ZC3H4: variants seen among roughly 807,000 people sequenced by gnomAD.
ZC3H4 encodes the protein zinc finger CCCH domain-containing protein 4.
Under a neutral mutation model 108.3 loss-of-function variants are expected in ZC3H4, and 13 were observed. That is an observed-to-expected ratio of 0.12 (90% CI 0.08 to 0.19). The LOEUF (loss-of-function observed/expected upper bound fraction) is 0.19, where lower values mean the gene tolerates loss of function less well. Ranked by LOEUF, ZC3H4 falls within the 10% of genes least tolerant of loss-of-function variation. The pLI is 1.00. For synonymous variants in ZC3H4, 917 were observed against 749.6 expected, an observed-to-expected ratio of 1.22 and a Z score of -3.65; for missense variants, 1,734 against 1,838.8, an observed-to-expected ratio of 0.94 and a Z score of 1.04.
At chr19:47,111,998 G>A (rs2058045444) in intron 2 of ZC3H4, 1 of 441,938 alleles carries the variant, frequency 2.3e-6, no homozygotes, top group Non-Finnish European at 3.0e-6. Flanking sequence ...CCCCTTCCCC[G>A]AAGCCAGGCG....
intron 5 of ZC3H4, among the ~76,000 whole-genome samples, chr19:47,089,764 C>T (rs1348355611): frequency 1.3e-5 from 2 of 152,224 alleles, no homozygotes; most frequent in Non-Finnish European, 2.9e-5. Context: ...CCCTGCCTCA[C>T]ACCAGCCTGG....
chr19:47,066,628 T>C lies in ZC3H4; in HGVS notation c.3640A>G (p.Arg1214Gly), dbSNP rs1219515178. The change falls in exon 15 of 15, where the codon AGA becomes GGA. Residue 1214 changes from arginine (R) to glycine (G), a missense_variant. Coordinates refer to ENST00000253048, the MANE Select transcript of ZC3H4 (RefSeq NM_015168.2). ...CGGGGCCGGTTGTAGCTGTTGTATCTGTCCGTGGGGGTGCCCCCATCAGCA... is the reference window on the plus strand; with the variant it reads ...CGGGGCCGGTTGTAGCTGTTGTATCCGTCCGTGGGGGTGCCCCCATCAGCA... ...AGADGGTPTD[R>G]YNSYNRPRPK... 3 of 1,611,368 alleles carry C rather than the reference T, an allele frequency of 1.9e-6. No individual in the cohort carries two copies. Among genetic ancestry groups the C allele is most frequent in the Non-Finnish European group, 2.5e-6 (3 of 1,179,214 alleles).
chr19:47,084,483 G>A (rs2057580901), intron 8 of ZC3H4, 28 bp from the exon 9 acceptor site: 1 of 1,611,262 alleles, frequency 6.2e-7, no homozygotes, highest in Non-Finnish European at 8.5e-7. Context: ...TGGACGTAAA[G>A]GGGAATGAAA....
intron 2 of ZC3H4, among the ~76,000 whole-genome samples, chr19:47,102,321 T>A (rs550066446): frequency 6.6e-6 from 1 of 152,228 alleles, no homozygotes; most frequent in Non-Finnish European, 1.5e-5. Context: ...CTACAAATTA[T>A]GTCAAAAAGA....
intron 4 of ZC3H4, among the ~76,000 whole-genome samples, chr19:47,090,402 A>C (rs1361535308): frequency 6.6e-6 from 1 of 152,154 alleles, no homozygotes; most frequent in Admixed American, 6.5e-5. Context: ...TTCTTCATAA[A>C]GGGCCAGAAC....
chr19:47,066,981 T>G lies in ZC3H4; in HGVS notation c.3287A>C (p.Lys1096Thr). 1 of 1,589,840 alleles carries G rather than the reference T, an allele frequency of 6.3e-7. No individual in the cohort carries two copies. The highest frequency in any genetic ancestry group is 8.6e-7 in the Non-Finnish European group (1 of 1,168,210). Residue 1096 changes from lysine to threonine, a missense_variant, in exon 15 of 15, where the codon AAG (lysine) becomes ACG (threonine). Physicochemically the swap from Lys to Thr is moderately conservative, Grantham distance 78 (BLOSUM62 -1). This residue lies in a region of ZC3H4 where 518 missense variants were observed against 499.6 expected (regional missense o/e 1.04). Coordinates refer to ENST00000253048, the MANE Select transcript of ZC3H4 (RefSeq NM_015168.2). ...AGAGGGCGCCTCAGCAGGGCCGGGC[T>G]TGGCAGCCCGGGAGGAGGCCGTAGA... is the stretch of plus-strand genomic sequence containing the variant. The part of the protein sequence containing the change: ...TDSTASSRAA[K>T]PGPAEAPSPT...
chr19:47,096,885 G>T, intron 2 of ZC3H4: 2 of 985,400 alleles, frequency 2.0e-6, no homozygotes, highest in Non-Finnish European at 2.4e-6. Flanking sequence ...GCCGGAGTGG[G>T]TGGCAGCCTC....
At chr19:47,099,818 GT>G (rs755830986) in intron 2 of ZC3H4, among the ~76,000 whole-genome samples, 2 of 116,586 alleles carry the variant, frequency 1.7e-5, no homozygotes, top group Admixed American at 9.7e-5. Flanking sequence ...GTTTACAAGA[GT>G]TTAAAAAAAA....
intron 4 of ZC3H4, among the ~76,000 whole-genome samples, chr19:47,091,484 G>T (rs2057730041): frequency 6.6e-6 from 1 of 152,032 alleles, no homozygotes; most frequent in Non-Finnish European, 1.5e-5. Context: ...TGAGGTGTGA[G>T]AATCACTTGA....
chr19:47,092,179 T>C (rs1600082306), intron 4 of ZC3H4, among the ~76,000 whole-genome samples: 1 of 152,152 alleles, frequency 6.6e-6, no homozygotes, highest in Admixed American at 6.6e-5. Context: ...CACTCCAGCC[T>C]GGGCAACAGA....
At chr19:47,088,477 G>A (rs1258710398) in intron 5 of ZC3H4, among the ~76,000 whole-genome samples, 6 of 151,874 alleles carry the variant, frequency 4.0e-5, no homozygotes, top group Non-Finnish European at 7.4e-5. Flanking sequence ...GACCTCTGGA[G>A]GCAGAGGTTG....
intron 6 of ZC3H4, among the ~76,000 whole-genome samples, chr19:47,085,992 T>G (rs1342817659): frequency 6.6e-6 from 1 of 152,104 alleles, no homozygotes; most frequent in African/African-American, 2.4e-5. Flanking sequence ...GACTCCTGCA[T>G]GAATAGCTGG....
At position 47,072,414 on chromosome 19, in the gene ZC3H4, G is replaced by T. The variant is rs770144487; in HGVS notation, c.1740C>A (p.Ile580=). Residue 580 remains isoleucine (I), a synonymous_variant, in exon 12 of 15, where the codon ATC becomes ATA. Coordinates refer to ENST00000253048, the MANE Select transcript of ZC3H4 (RefSeq NM_015168.2). This position sits in a 1 kb window ranked among gnomAD's most constrained non-coding sequence, Gnocchi z 5.6. ...LQQQDMYNKK[I]PSLFEIVVRP... is the part of the protein sequence containing the mutation. ...GCACCACGATCTCAAACAAGGAGGG[G>T]ATCTTCTTGTTGTACATGTCCTGCT... is the stretch of plus-strand genomic sequence containing the variant. 12 of 1,612,886 alleles carry T rather than the reference G, an allele frequency of 7.4e-6. 1 individual carries two copies. Among genetic ancestry groups the T allele is most frequent in the Middle Eastern group, 1.7e-4 (1 of 5,968 alleles).
In ZC3H4 at chr19:47,093,979, T is replaced by G. The variant is rs2057779887; in HGVS notation, c.483A>C (p.Pro161=). ...GHRKYREYSP[P]YAPSHQQYPP... is the part of the protein sequence containing the mutation. ...CATGCCAGTCACTCACCGGCGCATA[T>G]GGGGGGCTGTACTCTCTGTACTTGC... The change falls in exon 4 of 15, where the codon CCA becomes CCC. Residue 161 remains proline, a synonymous_variant. Transcript: ENST00000253048. The G allele has an allele frequency of 6.2e-7, 1 of 1,613,046 alleles. No homozygotes were observed. Among genetic ancestry groups the G allele is most frequent in the African/African-American group, 1.3e-5 (1 of 74,884 alleles).
At chr19:47,110,276 G>C (rs985454536) in intron 2 of ZC3H4, among the ~76,000 whole-genome samples, 1 of 152,148 alleles carries the variant, frequency 6.6e-6, no homozygotes, top group Non-Finnish European at 1.5e-5. Context: ...CAGTAAGCTT[G>C]TCTCCTACAA....
At chr19:47,076,593 C>G (rs987784385) in intron 11 of ZC3H4, among the ~76,000 whole-genome samples, 2 of 152,210 alleles carry the variant, frequency 1.3e-5, no homozygotes, top group Non-Finnish European at 2.9e-5. Flanking sequence ...CAGTGGCTCA[C>G]GCCTGTAATC....
At position 47,084,630 on chromosome 19, in the gene ZC3H4, G is replaced by A. The variant is rs150105989; in HGVS notation, c.1108-175C>T. Among the ~76,000 whole-genome samples, 481 of 152,328 alleles carry A rather than the reference G, an allele frequency of 3.2e-3. 3 individuals are homozygous for A. The highest frequency in any genetic ancestry group is 5.4e-3 in the Non-Finnish European group (369 of 68,030). On this transcript the variant is annotated intron_variant, in intron 8 of 14. Transcript: ENST00000253048. ...CTGCGTGCACCTTATAAGCCCCACGGTGTGGGGTGTTGCTGCCTGGTGAGG... is the reference window on the plus strand; with the variant it reads ...CTGCGTGCACCTTATAAGCCCCACGATGTGGGGTGTTGCTGCCTGGTGAGG...
chr19:47,102,631 A>C lies in ZC3H4; in HGVS notation c.162-8023T>G, dbSNP rs374000871. The stretch of plus-strand genomic sequence containing the variant: ...GCCCAGAATAAATGCTTAGGAGTAA[A>C]ACCTACCCAAACACAAAGACACAAG... On this transcript the variant is annotated intron_variant, in intron 2 of 14. Transcript: ENST00000253048. Among the ~76,000 whole-genome samples, 9 of 152,234 alleles carry C rather than the reference A, an allele frequency of 5.9e-5. No individual in the cohort carries two copies. The East Asian group carries it at 1.5e-3, about 26-fold the overall frequency.
chr19:47,090,895 A>C (rs902050904), intron 4 of ZC3H4, among the ~76,000 whole-genome samples: 4 of 152,168 alleles, frequency 2.6e-5, no homozygotes, highest in African/African-American at 9.7e-5. Flanking sequence ...GGAGGCAGGG[A>C]AGGGGGCAGG....
Sources: allele counts gnomAD v4.1 joint callset (sites outside exome capture counted in the v4.1 genomes callset), GRCh38; gene constraint gnomAD v4.1.1; regional missense constraint gnomAD v4.1.1; non-coding constraint Gnocchi (gnomAD v3.1); transcripts MANE v1.5; gene names NCBI Gene and HGNC (gene_info 2026-07-23, HGNC 2026-07-21).